DMXL2: variants seen among roughly 807,000 people sequenced by gnomAD.
DMXL2 encodes the protein Dmx like 2.
DMXL2 carries 103 observed loss-of-function variants against 331.1 expected under a neutral mutation model. The ratio of observed to expected loss-of-function variants is 0.31; its 90% CI spans 0.27 to 0.37. DMXL2 has a LOEUF of 0.37. Among genes scored for constraint, DMXL2 ranks in the 10% least tolerant of loss-of-function variants. DMXL2 has a pLI of 1.00. For synonymous variants in DMXL2, 1,281 were observed against 1,252.1 expected (o/e 1.02, Z -0.49); for missense variants, 3,171 against 3,642.9 (o/e 0.87, Z 3.33).
At chr15:51,479,384 G>A (rs2041840576) in intron 25 of DMXL2, among the ~76,000 whole-genome samples, 1 of 152,234 alleles carries the variant, frequency 6.6e-6, no homozygotes, top group Non-Finnish European at 1.5e-5. Flanking sequence ...TAGCTCCCCA[G>A]ATCCTGCCAA....
At chr15:51,453,015 C>T (rs1376146848) in intron 41 of DMXL2, among the ~76,000 whole-genome samples, 1 of 151,802 alleles carries the variant, frequency 6.6e-6, no homozygotes, top group Non-Finnish European at 1.5e-5. Flanking sequence ...TATGTTCTCA[C>T]TTGTAAGTGG....
rs147895431 is a variant in DMXL2 at position 51,517,709 on chromosome 15, C to T, written c.2437-542G>A. Among the ~76,000 whole-genome samples the T allele has an allele frequency of 2.2e-3, 330 of 152,302 alleles. 1 individual carries two copies. The highest frequency in any genetic ancestry group is 7.6e-3 in the African/African-American group (315 of 41,574). ...AACCTTTCAGTAACTTCATCTGAAACGGTTGCCTCAGAAAGAAATGCCCAT... is the reference window on the plus strand; with the variant it reads ...AACCTTTCAGTAACTTCATCTGAAATGGTTGCCTCAGAAAGAAATGCCCAT... On this transcript the variant is annotated intron_variant, in intron 13 of 43. Coordinates refer to ENST00000560891, the MANE Select transcript of DMXL2 (RefSeq NM_001378457.1).
intron 1 of DMXL2, among the ~76,000 whole-genome samples, chr15:51,586,602 T>C (rs1567152969): frequency 1.3e-5 from 2 of 151,886 alleles, no homozygotes; most frequent in Non-Finnish European, 2.9e-5. Flanking sequence ...AACTAGCCAA[T>C]TTTGATAATT....
At position 51,474,478 on chromosome 15, in the gene DMXL2, G is replaced by A. The variant is rs1399355205; in HGVS notation, c.7079C>T (p.Ala2360Val). The A allele has an allele frequency of 6.2e-7, 1 of 1,614,016 alleles. No individual in the cohort carries two copies. Among genetic ancestry groups the A allele is most frequent in the African/African-American group, 1.3e-5 (1 of 74,926 alleles). Residue 2360 changes from alanine to valine, a missense_variant, in exon 28 of 44, where the codon GCT (alanine) becomes GTT (valine). Ala to Val is a moderately conservative substitution (Grantham distance 64, BLOSUM62 0). Around this residue, in one of 7 missense-constraint regions of DMXL2, gnomAD observed 766 missense variants for 940.5 expected, o/e 0.81. Transcript: ENST00000560891. ...TTCACTGGAGGAATTTGTGGCAAGA[G>A]CATGTATCAATAAACTTAAGTAAAC... ...VAVYLSLLIHALATNSSSELF... is the reference protein window; with the variant it reads ...VAVYLSLLIHVLATNSSSELF...
At chr15:51,503,902 T>C (rs1358663478) in intron 16 of DMXL2, among the ~76,000 whole-genome samples, 4 of 152,296 alleles carry the variant, frequency 2.6e-5, no homozygotes. Context: ...TTTTCAAACT[T>C]TTGCTTAGTT....
intron 2 of DMXL2, among the ~76,000 whole-genome samples, chr15:51,574,970 T>C (rs1027782819): frequency 5.9e-5 from 9 of 151,972 alleles, no homozygotes; most frequent in Non-Finnish European, 1.3e-4. Context: ...CAACAAAAAA[T>C]TAAAAAGAGA....
rs3830518 is a variant in DMXL2 at position 51,458,894 on chromosome 15, TAGCAGC to T, written c.7990-105_7990-100del. The T allele has an allele frequency of 0.65, 501,382 of 771,226 alleles. 174,261 individuals carry two copies. Among genetic ancestry groups the T allele is most frequent in the Non-Finnish European group, 0.71 (332,424 of 471,446 alleles). The allele number at this position is 771,226 out of a possible 1,614,324, so 47.8% of individuals were successfully genotyped here. ...TTAAATGTAGGATAAGAAGAAAATG[TAGCAGC>T]AGCAGCAGCAGCAGCAGCAAGAAAA... On this transcript the variant is annotated intron_variant, in intron 34 of 43. Transcript: ENST00000560891.
In DMXL2 at chr15:51,537,530, C is replaced by T; in HGVS notation, c.1575G>A (p.Lys525=). Residue 525 remains lysine, a synonymous_variant, in exon 11 of 44, where the codon AAG becomes AAA. Transcript: ENST00000560891. ...VDGTFLVWHV[K]YLDEYNPGIF... is the part of the protein sequence containing the mutation. Reference sequence around the variant, plus strand: ...TTCCAGGATTATATTCATCCAAATACTTCACATGCCACACTAGAAAGGTAC... The same window carrying T: ...TTCCAGGATTATATTCATCCAAATATTTCACATGCCACACTAGAAAGGTAC... 1 of 1,613,680 alleles carries T rather than the reference C, an allele frequency of 6.2e-7. No homozygotes were observed. Among genetic ancestry groups the T allele is most frequent in the Non-Finnish European group, 8.5e-7 (1 of 1,179,740 alleles).
intron 1 of DMXL2, among the ~76,000 whole-genome samples, chr15:51,615,172 T>C (rs2054214605): frequency 6.6e-6 from 1 of 152,194 alleles, no homozygotes; most frequent in South Asian, 2.1e-4. Context: ...ATGAGGTCTT[T>C]GTGATAGCTA....
At chr15:51,521,498 T>G (rs1000206119) in intron 13 of DMXL2, among the ~76,000 whole-genome samples, 13 of 149,040 alleles carry the variant, frequency 8.7e-5, no homozygotes, top group Middle Eastern at 3.6e-3. Context: ...AGCAGCATTT[T>G]TTTCAGGTTA....
At chr15:51,595,249 A>T (rs2052710490) in intron 1 of DMXL2, among the ~76,000 whole-genome samples, 1 of 152,242 alleles carries the variant, frequency 6.6e-6, no homozygotes. Context: ...CAATGTGCAA[A>T]AATCACAAGC....
Position 51,538,232 on chromosome 15 carries a change from T to C in DMXL2, c.1326A>G (p.Leu442=), listed in dbSNP as rs1390724876. ...EHSQEDRERG[L]HMKLDHDLSL... Reference sequence around the variant, plus strand: ...ACTAACCATGGTCTAATTTCATATGTAAACCCCGTTCTCTATCCTCCTGTG... The same window carrying C: ...ACTAACCATGGTCTAATTTCATATGCAAACCCCGTTCTCTATCCTCCTGTG... The change falls in exon 10 of 44, where the codon TTA becomes TTG. Residue 442 remains leucine (L), a synonymous_variant. Transcript: ENST00000560891. The C allele has an allele frequency of 6.2e-7, 1 of 1,613,290 alleles. No homozygotes were observed. Among genetic ancestry groups the C allele is most frequent in the East Asian group, 2.2e-5 (1 of 44,814 alleles).
At chr15:51,619,402 C>A (rs982445551) in intron 1 of DMXL2, among the ~76,000 whole-genome samples, 1 of 152,178 alleles carries the variant, frequency 6.6e-6, no homozygotes, top group Non-Finnish European at 1.5e-5. Context: ...AAGGAAACAG[C>A]TGTATACTGC....
intron 1 of DMXL2, among the ~76,000 whole-genome samples, chr15:51,596,014 G>A (rs2052773884): frequency 6.6e-6 from 1 of 152,180 alleles, no homozygotes; most frequent in East Asian, 1.9e-4. Flanking sequence ...GCATGGGCAA[G>A]GACTTCATGT....
At chr15:51,500,345 G>C (rs2043498396) in intron 17 of DMXL2, 114 bp from the exon 18 acceptor site, 1 of 1,067,806 alleles carries the variant, frequency 9.4e-7, no homozygotes, top group Non-Finnish European at 1.3e-6. Context: ...AGCTTCTTCA[G>C]AATATCTCTG....
At chr15:51,608,314 A>T (rs563322585) in intron 1 of DMXL2, among the ~76,000 whole-genome samples, 4 of 152,246 alleles carry the variant, frequency 2.6e-5, no homozygotes, top group South Asian at 2.1e-4. Flanking sequence ...TGTCCACTGC[A>T]GCACTATTCA....
chr15:51,520,887 C>T (rs1016754023), intron 13 of DMXL2, among the ~76,000 whole-genome samples: 2 of 152,032 alleles, frequency 1.3e-5, no homozygotes, highest in African/African-American at 4.8e-5. Context: ...TACATAAATA[C>T]ATAAATGGGA....
rs1436124345 is a variant in DMXL2, at chr15:51,464,768, T to C, written c.7715A>G (p.Tyr2572Cys). Residue 2572 changes from tyrosine (Y) to cysteine (C), a missense_variant, in exon 32 of 44, where the codon TAT becomes TGT. Coordinates refer to ENST00000560891, the MANE Select transcript of DMXL2 (RefSeq NM_001378457.1). ...MDQFEGPPPN[Y>C]INTYPTDLSV... ...AAGGTCAGTTGGATATGTGTTGATA[T>C]AGTTAGGGGGTGGACCTTCAAACTG... 1.9e-6 allele frequency: 3 copies of C among 1,614,042 alleles called. No individual in the cohort carries two copies. The highest frequency in any genetic ancestry group is 1.7e-6 in the Non-Finnish European group (2 of 1,180,002).
chr15:51,611,709 A>T (rs1404605082), intron 1 of DMXL2, among the ~76,000 whole-genome samples: 1 of 152,160 alleles, frequency 6.6e-6, no homozygotes, highest in African/African-American at 2.4e-5. Context: ...CCATCTATGA[A>T]ATTGAGAGGT....
Sources: gnomAD v4.1 joint callset for allele counts (sites outside exome capture counted in the v4.1 genomes callset) on GRCh38, gnomAD v4.1.1 for gene constraint, gnomAD v4.1.1 regional missense constraint, MANE v1.5 for transcripts, NCBI Gene and HGNC (gene_info 2026-07-23, HGNC 2026-07-21) for gene names.